The following TRAF3IP2 variants were observed in gnomAD, a reference collection of about 807,000 sequenced individuals.
TRAF3IP2 encodes the protein E3 ubiquitin ligase TRAF3IP2.
TRAF3IP2 carries 35 observed loss-of-function variants against 57.9 expected under a neutral mutation model. The ratio of observed to expected loss-of-function variants is 0.60; its 90% CI spans 0.46 to 0.80. The LOEUF (loss-of-function observed/expected upper bound fraction) is 0.80. Ranked by LOEUF, TRAF3IP2 falls within the 30% of genes least tolerant of loss-of-function variation. The pLI, the probability that TRAF3IP2 is intolerant of heterozygous loss-of-function variation, is 0.00. For synonymous variants in TRAF3IP2, 251 were observed against 268.9 expected, an observed-to-expected ratio of 0.93 and a Z score of 0.65; for missense variants, 556 against 706.4, an observed-to-expected ratio of 0.79 and a Z score of 2.41.
rs764989624 is a variant in TRAF3IP2, at chr6:111,591,427, G to A, written c.660C>T (p.Ser220=). 14 of 1,571,968 alleles carry A rather than the reference G, an allele frequency of 8.9e-6. No homozygotes were observed. Among genetic ancestry groups the A allele is most frequent in the African/African-American group, 8.1e-5 (6 of 73,680 alleles). The part of the protein sequence containing the change: ...RQLERPLPLT[S]VCYPQDLPRP... The stretch of plus-strand genomic sequence containing the variant: ...TGGGGAGGTCCTGGGGGTAACACAC[G>A]GAGGTGAGGGGCAGGGGCCTTTCCA... The change falls in exon 2 of 9, where the codon TCC becomes TCT. Residue 220 remains serine, a synonymous_variant. Coordinates refer to ENST00000368761, the MANE Select transcript of TRAF3IP2 (RefSeq NM_147686.4). This position sits in a 1 kb window ranked among gnomAD's most constrained non-coding sequence, Gnocchi z 4.9.
intron 2 of TRAF3IP2, chr6:111,587,067 T>A (rs1200110716): frequency 1.3e-5 from 2 of 151,934 alleles, no homozygotes; most frequent in Non-Finnish European, 2.9e-5. Flanking sequence ...AAAAAACCCA[T>A]CAGCACTGGC....
chr6:111,562,063 C>T (rs1365459092), intron 8 of TRAF3IP2, among the ~76,000 whole-genome samples: 1 of 152,186 alleles, frequency 6.6e-6, no homozygotes, highest in Non-Finnish European at 1.5e-5. Flanking sequence ...GAAACAGGGC[C>T]TGAGTTTAGG....
chr6:111,567,934 CA>C (rs1263291080), intron 5 of TRAF3IP2, among the ~76,000 whole-genome samples: 2 of 152,128 alleles, frequency 1.3e-5, no homozygotes, highest in African/African-American at 4.8e-5. Flanking sequence ...TGATACACAT[CA>C]AAATATATCT....
rs186097801 is a variant in TRAF3IP2, at chr6:111,559,489, G to A, written c.1614C>T (p.Asn538=). 152 of 1,614,026 alleles carry A rather than the reference G, an allele frequency of 9.4e-5. 1 individual carries two copies. In the Admixed American group the frequency reaches 2.3e-3, roughly 24 times the overall value. The change falls in exon 9 of 9, where the codon AAC becomes AAT. Residue 538 remains asparagine (N), a synonymous_variant. Coordinates refer to ENST00000368761, the MANE Select transcript of TRAF3IP2 (RefSeq NM_147686.4). ...CCTCTCTCAGCAGCCGCAGCAGGAT[G>A]TTTTTTTTATTCTTGGGCCAGCTGT... ...HVYSWPKNKK[N]ILLRLLREEE...
intron 2 of TRAF3IP2, among the ~76,000 whole-genome samples, chr6:111,589,205 C>T (rs1035034866): frequency 2.1e-4 from 31 of 150,768 alleles, no homozygotes; most frequent in Admixed American, 4.0e-4. Context: ...GGATTACAGG[C>T]GCCCGCCACA....
At chr6:111,592,832 A>C (rs1352561993) in intron 1 of TRAF3IP2, among the ~76,000 whole-genome samples, 1 of 152,152 alleles carries the variant, frequency 6.6e-6, no homozygotes, top group African/African-American at 2.4e-5. Flanking sequence ...TTTTCTACCT[A>C]ATTTTAGGTC....
chr6:111,575,587 C>CAAAAAA, intron 4 of TRAF3IP2, 56 bp downstream of exon 4: 2 of 1,368,152 alleles, frequency 1.5e-6, no homozygotes, highest in Non-Finnish European at 2.0e-6. Context: ...GACTCCGTCT[C>CAAAAAA]AAAAAAAAAA....
At chr6:111,593,545 G>A (rs991018593) in intron 1 of TRAF3IP2, among the ~76,000 whole-genome samples, 2 of 152,146 alleles carry the variant, frequency 1.3e-5, no homozygotes, top group African/African-American at 4.8e-5. Flanking sequence ...CCAAATGAAT[G>A]CTCTTTGACA....
Position 111,583,414 on chromosome 6 carries a change from G to A in TRAF3IP2, c.830-3025C>T, listed in dbSNP as rs80177827. Among the ~76,000 whole-genome samples the A allele has an allele frequency of 5.8e-3, 878 of 152,310 alleles. 12 individuals are homozygous for A. Among genetic ancestry groups the A allele is most frequent in the African/African-American group, 0.02 (822 of 41,572 alleles). The stretch of plus-strand genomic sequence containing the variant: ...GGAGGTAAACAGTGGGTGAGTAAGT[G>A]AAGCTCTGTCTGTATTTACAACCAC... On this transcript the variant is annotated intron_variant, in intron 2 of 8. Transcript: ENST00000368761.
At chr6:111,595,637 G>A (rs978834569) in intron 1 of TRAF3IP2, among the ~76,000 whole-genome samples, 10 of 152,074 alleles carry the variant, frequency 6.6e-5, no homozygotes, top group Admixed American at 5.9e-4. Context: ...AGACCAGCCT[G>A]GCCAACATGG....
At chr6:111,559,610 C>G in intron 8 of TRAF3IP2, 59 bp from the exon 9 acceptor site, 3 of 1,579,360 alleles carry the variant, frequency 1.9e-6, no homozygotes, top group Non-Finnish European at 2.6e-6. Context: ...GATGCCAGAT[C>G]CCAGGCTCAG....
At chr6:111,568,950 T>A (rs1795742658) in intron 5 of TRAF3IP2, among the ~76,000 whole-genome samples, 1 of 152,224 alleles carries the variant, frequency 6.6e-6, no homozygotes, top group African/African-American at 2.4e-5. Context: ...TATGATAACA[T>A]TCTTTTATTC....
Position 111,579,378 on chromosome 6 carries a change from G to T in TRAF3IP2, c.1022+819C>A, listed in dbSNP as rs183255424. Among the ~76,000 whole-genome samples, 604 of 150,642 alleles carry T rather than the reference G, an allele frequency of 4.0e-3. 6 individuals are homozygous for T. Among genetic ancestry groups the T allele is most frequent in the Non-Finnish European group, 3.9e-3 (266 of 67,788 alleles). ...AGACAACTGAAGTCATGAAAATACG[G>T]AGTTAAGCATAGGAGAGACCTAATA... On this transcript the variant is annotated intron_variant, in intron 3 of 8. Coordinates refer to ENST00000368761, the MANE Select transcript of TRAF3IP2 (RefSeq NM_147686.4).
intron 1 of TRAF3IP2, chr6:111,601,416 G>T: frequency 2.1e-6 from 1 of 481,844 alleles, no homozygotes; most frequent in Non-Finnish European, 3.8e-6. Context: ...CACCAACAAA[G>T]GGTGATGATA....
At chr6:111,597,530 CACAG>C (rs1303850938) in intron 1 of TRAF3IP2, among the ~76,000 whole-genome samples, 1 of 152,210 alleles carries the variant, frequency 6.6e-6, no homozygotes, top group African/African-American at 2.4e-5. Flanking sequence ...ATCAGGGGGC[CACAG>C]ACAGATTAAT....
chr6:111,568,326 A>T (rs1795715619), intron 5 of TRAF3IP2, among the ~76,000 whole-genome samples: 2 of 152,214 alleles, frequency 1.3e-5, no homozygotes, highest in Admixed American at 1.3e-4. Context: ...TACTATCAGC[A>T]TTCAAGTTTT....
chr6:111,570,265 G>A (rs988223112), intron 5 of TRAF3IP2, among the ~76,000 whole-genome samples: 2 of 152,098 alleles, frequency 1.3e-5, no homozygotes, highest in African/African-American at 2.4e-5. Flanking sequence ...CCACCCAATC[G>A]GTAGTACTTT....
chr6:111,605,532 A>C (rs143636504), intron 1 of TRAF3IP2, among the ~76,000 whole-genome samples: 69 of 152,336 alleles, frequency 4.5e-4, no homozygotes, highest in Non-Finnish European at 9.0e-4. Context: ...CCTCTCCTCA[A>C]AGGGTTAACC....
Position 111,591,889 on chromosome 6 carries a change from G to A in TRAF3IP2, c.198C>T (p.Thr66=). 1 of 1,614,248 alleles carries A rather than the reference G, an allele frequency of 6.2e-7. No homozygotes were observed. The highest frequency in any genetic ancestry group is 8.5e-7 in the Non-Finnish European group (1 of 1,180,048). The change falls in exon 2 of 9, where the codon ACC becomes ACT. Residue 66 remains threonine (T), a synonymous_variant. Transcript: ENST00000368761. This position sits in a 1 kb window ranked among gnomAD's most constrained non-coding sequence, Gnocchi z 4.9. ...SSGDFSQAHS[T]LKLANHQRPV... ...GCCGCTGGTGATTTGCAAGTTTCAGGGTTGAGTGAGCTTGAGAAAAGTCTC... is the reference window on the plus strand; with the variant it reads ...GCCGCTGGTGATTTGCAAGTTTCAGAGTTGAGTGAGCTTGAGAAAAGTCTC...
Sources: gnomAD v4.1 joint callset for allele counts (sites outside exome capture counted in the v4.1 genomes callset) on GRCh38, gnomAD v4.1.1 for gene constraint, Gnocchi (gnomAD v3.1) non-coding constraint, MANE v1.5 for transcripts, NCBI Gene and HGNC (gene_info 2026-07-23, HGNC 2026-07-21) for gene names.